Variants in TNPO1 observed in about 807,000 individuals in gnomAD.
The protein encoded by TNPO1 is transportin-1.
A neutral mutation model predicts 119.5 loss-of-function variants in TNPO1; 8 were observed. That is an observed-to-expected ratio of 0.07 (90% CI 0.04 to 0.12). The LOEUF is 0.12. TNPO1 is among the 10% of genes least tolerant of loss of function. The pLI, the probability that TNPO1 is intolerant of heterozygous loss-of-function variation, is 1.00. For missense variants in TNPO1, 576 were observed against 1,089.8 expected, an observed-to-expected ratio of 0.53 and a Z score of 6.64; for synonymous variants, 362 against 363.0, an observed-to-expected ratio of 1.00 and a Z score of 0.03.
intron 9 of TNPO1, chr5:72,879,049 C>T: frequency 6.8e-6 from 2 of 294,236 alleles, no homozygotes; most frequent in South Asian, 6.5e-5. Flanking sequence ...ATAAGCACAT[C>T]TCTTGCCCAA....
At chr5:72,831,153 CAT>C (rs1744439289) in intron 1 of TNPO1, among the ~76,000 whole-genome samples, 2 of 152,114 alleles carry the variant, frequency 1.3e-5, no homozygotes, top group South Asian at 4.1e-4. Flanking sequence ...TTTTACTTAA[CAT>C]ATTTTAGTTA....
chr5:72,874,429 C>A (rs1300928994), intron 7 of TNPO1, among the ~76,000 whole-genome samples: 1 of 152,094 alleles, frequency 6.6e-6, no homozygotes, highest in African/African-American at 2.4e-5. Flanking sequence ...GTGACAAATG[C>A]AAGATGATGG....
rs1228856541 is a variant in TNPO1 at position 72,908,975 on chromosome 5, C to T, written c.*302C>T. ...AAAAAAAAAATCTATTCAGTCTACT[C>T]ACAAAACAGTACATTGTGGAATATT... On this transcript the variant is annotated 3_prime_UTR_variant, in exon 25 of 25. Coordinates refer to ENST00000337273, the MANE Select transcript of TNPO1 (RefSeq NM_002270.4). 1.1e-5 allele frequency: 5 copies of T among 442,630 alleles called. No homozygotes were observed. The East Asian group carries it at 2.8e-4, about 25-fold the overall frequency. The allele number at this position is 442,630 out of a possible 1,614,324, so 27.4% of individuals were successfully genotyped here. A position where few individuals can be genotyped will look rare whatever the true frequency, so the allele number is the denominator to read the frequency against.
At chr5:72,853,497 T>C (rs966418377) in intron 3 of TNPO1, among the ~76,000 whole-genome samples, 1 of 152,220 alleles carries the variant, frequency 6.6e-6, no homozygotes, top group African/African-American at 2.4e-5. Context: ...AAGTCATTGC[T>C]TCCACAAAGA....
chr5:72,896,689 G>A, intron 19 of TNPO1, 133 bp downstream of exon 19: 1 of 592,058 alleles, frequency 1.7e-6, no homozygotes, highest in Non-Finnish European at 2.9e-6. Context: ...GGTTGACATG[G>A]TGAAACCCCG....
At chr5:72,907,252 CA>C (rs1339611998) in intron 24 of TNPO1, among the ~76,000 whole-genome samples, 2 of 152,120 alleles carry the variant, frequency 1.3e-5, no homozygotes, top group African/African-American at 4.8e-5. Flanking sequence ...CTTGTAGCTT[CA>C]AAGCTTCAAT....
chr5:72,852,979 A>T (rs1403791778), intron 3 of TNPO1, among the ~76,000 whole-genome samples: 1 of 152,134 alleles, frequency 6.6e-6, no homozygotes, highest in Non-Finnish European at 1.5e-5. Context: ...GGATTTTTTA[A>T]ATCTAATTGT....
chr5:72,888,002 C>G (rs138612351), intron 12 of TNPO1, 76 bp from the exon 13 acceptor site: 7 of 1,330,696 alleles, frequency 5.3e-6, no homozygotes, highest in African/African-American at 1.5e-5. Context: ...TTCATAGATA[C>G]GTGTTTTATT....
chr5:72,856,851 A>G (rs1231463884), intron 4 of TNPO1, among the ~76,000 whole-genome samples: 1 of 152,210 alleles, frequency 6.6e-6, no homozygotes, highest in African/African-American at 2.4e-5. Flanking sequence ...GGTTAACACA[A>G]TTTGCCAACC....
intron 1 of TNPO1, among the ~76,000 whole-genome samples, chr5:72,825,163 A>G (rs1376944024): frequency 6.6e-6 from 1 of 152,172 alleles, no homozygotes; most frequent in Non-Finnish European, 1.5e-5. Context: ...TGGATTACTG[A>G]AATAGGTTAC....
Position 72,909,710 on chromosome 5 carries a change from T to C in TNPO1, c.*1037T>C, listed in dbSNP as rs886401904. ...TGCATTTAAAGTTCCTTTTTAAGAT[T>C]TGTGGATTTTATTTTTATTAAGAAC... is the stretch of plus-strand genomic sequence containing the variant. On this transcript the variant is annotated 3_prime_UTR_variant, in exon 25 of 25. Transcript: ENST00000337273. 7.9e-5 allele frequency: 12 copies of C among 152,582 alleles called. No individual in the cohort carries two copies. The highest frequency in any genetic ancestry group is 1.4e-4 in the African/African-American group (6 of 41,458). 9.5% of individuals were successfully genotyped at this position (152,582 alleles called of 1,614,324 possible).
In TNPO1 at chr5:72,912,642, C is replaced by T. The variant is rs1435214784; in HGVS notation, c.*3969C>T. ...GACAAGCCTTTTGCCTACAGGTTTA[C>T]CTGAAAATGAGCTACATATGGTCGT... On this transcript the variant is annotated 3_prime_UTR_variant, in exon 25 of 25. Coordinates refer to ENST00000337273, the MANE Select transcript of TNPO1 (RefSeq NM_002270.4). The T allele has an allele frequency of 1.3e-5, 2 of 152,392 alleles. No homozygotes were observed. The highest frequency in any genetic ancestry group is 2.9e-5 in the Non-Finnish European group (2 of 67,912). 9.4% of individuals were successfully genotyped at this position (152,392 alleles called of 1,614,324 possible).
chr5:72,864,256 TAAA>T (rs1037577319), intron 5 of TNPO1, among the ~76,000 whole-genome samples: 1 of 152,212 alleles, frequency 6.6e-6, no homozygotes, highest in African/African-American at 2.4e-5. Flanking sequence ...ATTTTAGACT[TAAA>T]AATATTTTCA....
chr5:72,897,214 G>T (rs941767664), intron 20 of TNPO1, 63 bp downstream of exon 20: 3 of 1,177,584 alleles, frequency 2.5e-6, no homozygotes, highest in Non-Finnish European at 2.4e-6. Context: ...TTTAATATGC[G>T]TAGAGAAACC....
At chr5:72,899,913 T>G in intron 20 of TNPO1, 93 bp from the exon 21 acceptor site, 1 of 973,550 alleles carries the variant, frequency 1.0e-6, no homozygotes, top group Middle Eastern at 2.2e-4. Flanking sequence ...CTGAGTTATT[T>G]GTTGTTTTTT....
At chr5:72,877,043 C>T (rs979373382) in intron 8 of TNPO1, among the ~76,000 whole-genome samples, 185 bp from the exon 9 acceptor site, 2 of 147,842 alleles carry the variant, frequency 1.4e-5, no homozygotes, top group Non-Finnish European at 3.0e-5. Flanking sequence ...TGCAGTGAGC[C>T]GAGTTCACGC....
intron 3 of TNPO1, among the ~76,000 whole-genome samples, chr5:72,852,878 G>A (rs1347271068): frequency 6.6e-6 from 1 of 152,136 alleles, no homozygotes; most frequent in African/African-American, 2.4e-5. Flanking sequence ...TTCCTAGTTT[G>A]ATATTTGCGA....
intron 8 of TNPO1, among the ~76,000 whole-genome samples, chr5:72,876,046 G>C (rs1747740802): frequency 6.6e-6 from 1 of 152,174 alleles, no homozygotes; most frequent in South Asian, 2.1e-4. Context: ...AGCATTCGTG[G>C]TATGCAGCAA....
intron 10 of TNPO1, among the ~76,000 whole-genome samples, chr5:72,882,755 G>T (rs1450118390): frequency 6.6e-6 from 1 of 152,038 alleles, no homozygotes; most frequent in Non-Finnish European, 1.5e-5. Context: ...TAATTACTTG[G>T]AGTTATTTTA....
Sources: allele counts gnomAD v4.1 joint callset (sites outside exome capture counted in the v4.1 genomes callset), GRCh38; gene constraint gnomAD v4.1.1; transcripts MANE v1.5; gene names NCBI Gene and HGNC (gene_info 2026-07-23, HGNC 2026-07-21).